PTPRG: variants seen among roughly 807,000 people sequenced by gnomAD.
PTPRG encodes the protein receptor-type tyrosine-protein phosphatase gamma.
PTPRG carries 102 observed loss-of-function variants against 165.3 expected under a neutral mutation model. The observed-to-expected ratio is 0.62, with a 90% confidence interval of 0.53 to 0.73. The LOEUF (loss-of-function observed/expected upper bound fraction) is 0.73, where lower values mean the gene tolerates loss of function less well. Ranked by LOEUF, PTPRG falls within the 30% of genes least tolerant of loss-of-function variation. The pLI is 0.00. For missense variants in PTPRG, 1,866 were observed against 1,861.4 expected (o/e 1.00, Z -0.05); for synonymous variants, 675 against 669.5 (o/e 1.01, Z -0.13).
chr3:61,966,012 T>C (rs1443360731), intron 2 of PTPRG, among the ~76,000 whole-genome samples: 1 of 152,238 alleles, frequency 6.6e-6, no homozygotes, highest in Non-Finnish European at 1.5e-5. Flanking sequence ...AAAACAAATC[T>C]ATTCTAGCTC....
chr3:62,062,271 C>T (rs996459246), intron 4 of PTPRG, among the ~76,000 whole-genome samples: 2 of 152,124 alleles, frequency 1.3e-5, no homozygotes, highest in African/African-American at 4.8e-5. Flanking sequence ...TGCACTCCAT[C>T]CTGGGCAACA....
At chr3:61,869,960 C>T (rs1011798980) in intron 2 of PTPRG, among the ~76,000 whole-genome samples, 3 of 151,926 alleles carry the variant, frequency 2.0e-5, no homozygotes, top group Admixed American at 1.3e-4. Flanking sequence ...GACTCTCATC[C>T]TATATACCTA....
intron 4 of PTPRG, among the ~76,000 whole-genome samples, chr3:62,035,822 T>G (rs1699920337): frequency 1.3e-5 from 2 of 152,202 alleles, no homozygotes; most frequent in Non-Finnish European, 1.5e-5. Flanking sequence ...TTAAATGCAG[T>G]CTTTGTTGAG....
chr3:61,720,338 G>C (rs2031995416), intron 1 of PTPRG, among the ~76,000 whole-genome samples: 3 of 152,114 alleles, frequency 2.0e-5, no homozygotes, highest in Admixed American at 6.6e-5. Flanking sequence ...TGACCAGTCT[G>C]CTTTTGAATT....
intron 2 of PTPRG, among the ~76,000 whole-genome samples, chr3:61,956,707 CAT>C (rs1239615275): frequency 6.6e-6 from 1 of 152,302 alleles, no homozygotes; most frequent in East Asian, 1.9e-4. Context: ...TAAGACTTCT[CAT>C]ATGCGTATAT....
intron 14 of PTPRG, among the ~76,000 whole-genome samples, chr3:62,232,111 A>G (rs759600487): frequency 1.4e-4 from 22 of 152,194 alleles, no homozygotes; most frequent in Non-Finnish European, 3.2e-4. Context: ...TATAGGATTT[A>G]TGTTAGAATT....
chr3:61,589,312 T>C (rs555758431), intron 1 of PTPRG, among the ~76,000 whole-genome samples: 56 of 152,296 alleles, frequency 3.7e-4, no homozygotes, highest in Non-Finnish European at 6.6e-4. Flanking sequence ...TGCCAACTCT[T>C]ACTCTAATAC....
chr3:62,248,486 C>A (rs921934397), intron 15 of PTPRG, among the ~76,000 whole-genome samples: 1 of 152,096 alleles, frequency 6.6e-6, no homozygotes, highest in Non-Finnish European at 1.5e-5. Flanking sequence ...GAAGTGGTCA[C>A]AAAATTCTGT....
chr3:61,997,083 G>A (rs1428971050), intron 3 of PTPRG, among the ~76,000 whole-genome samples: 1 of 152,134 alleles, frequency 6.6e-6, no homozygotes, highest in East Asian at 1.9e-4. Flanking sequence ...AATCCACCTT[G>A]TTCATCTCAC....
chr3:61,984,992 T>C (rs779181954), intron 2 of PTPRG, among the ~76,000 whole-genome samples: 21 of 152,366 alleles, frequency 1.4e-4, no homozygotes, highest in Middle Eastern at 3.4e-3. Context: ...GATTTGCCCT[T>C]CTTACCACTT....
intron 5 of PTPRG, chr3:62,124,332 G>C (rs1703203035): frequency 6.2e-7 from 1 of 1,611,368 alleles, no homozygotes; most frequent in African/African-American, 1.3e-5. Context: ...TTCTGCCCGG[G>C]TCTCTGGTGA....
intron 1 of PTPRG, among the ~76,000 whole-genome samples, chr3:61,627,974 G>A (rs1701658486): frequency 6.6e-6 from 1 of 152,184 alleles, no homozygotes. Context: ...GAGAGCACTG[G>A]CTGACATGGA....
At chr3:62,286,470 T>C (rs1246809039) in intron 28 of PTPRG, among the ~76,000 whole-genome samples, 1 of 152,020 alleles carries the variant, frequency 6.6e-6, no homozygotes, top group African/African-American at 2.4e-5. Context: ...AGTAAATATA[T>C]GAAATAGTGA....
At chr3:62,259,232 G>A (rs573028481) in intron 16 of PTPRG, among the ~76,000 whole-genome samples, 1 of 152,320 alleles carries the variant, frequency 6.6e-6, no homozygotes, top group Non-Finnish European at 1.5e-5. Flanking sequence ...TGTATAATAG[G>A]GAAGTCTCTG....
chr3:62,120,747 CAAA>C (rs71123254), intron 5 of PTPRG, among the ~76,000 whole-genome samples: 3 of 115,796 alleles, frequency 2.6e-5, no homozygotes, highest in African/African-American at 3.2e-5. Context: ...GACTCCATCT[CAAA>C]AAAAAAAAAA....
At chr3:62,069,684 T>TCACATACA (rs1553712764) in intron 4 of PTPRG, among the ~76,000 whole-genome samples, 2 of 144,962 alleles carry the variant, frequency 1.4e-5, no homozygotes, top group East Asian at 4.4e-4. Context: ...TCTCTCTCTC[T>TCACATACA]CACACACAGA....
rs57290156 is a variant in PTPRG, at chr3:61,934,491, C to T, written c.191-55134C>T. Among the ~76,000 whole-genome samples the T allele has an allele frequency of 3.1e-3, 474 of 151,990 alleles. 2 individuals carry two copies. Among genetic ancestry groups the T allele is most frequent in the African/African-American group, 0.011 (456 of 41,444 alleles). ...ATTTTGTTCTCATCTAGTAGTCTGT[C>T]CTCCAGCAATTTAGGGCTGATCTGG... is the stretch of plus-strand genomic sequence containing the variant. On this transcript the variant is annotated intron_variant, in intron 2 of 29. Transcript: ENST00000474889.
chr3:62,114,368 T>C (rs1199172823), intron 5 of PTPRG, among the ~76,000 whole-genome samples: 1 of 152,194 alleles, frequency 6.6e-6, no homozygotes, highest in Non-Finnish European at 1.5e-5. Context: ...GTTTTAATTT[T>C]GAAAGGCTGT....
rs182182378 is a variant in PTPRG, at chr3:62,123,976, G to T, written c.616-8626G>T. Among the ~76,000 whole-genome samples, 293 of 152,220 alleles carry T rather than the reference G, an allele frequency of 1.9e-3. 2 individuals carry two copies. The highest frequency in any genetic ancestry group is 6.4e-3 in the African/African-American group (264 of 41,534). The stretch of plus-strand genomic sequence containing the variant: ...AAAAAACCTTCCAACTGCAGAAAGG[G>T]CATTTAAAAGTCTTTTTCATAAATA... On this transcript the variant is annotated intron_variant, in intron 5 of 29. Transcript: ENST00000474889.
Sources: allele counts gnomAD v4.1 joint callset (sites outside exome capture counted in the v4.1 genomes callset), GRCh38; gene constraint gnomAD v4.1.1; transcripts MANE v1.5; gene names NCBI Gene and HGNC (gene_info 2026-07-23, HGNC 2026-07-21).